The following SLC14A2 variants were observed in gnomAD, a reference collection of about 807,000 sequenced individuals.
SLC14A2 encodes the protein urea transporter 2.
Under a neutral mutation model 104.6 loss-of-function variants are expected in SLC14A2, and 91 were observed. That is an observed-to-expected ratio of 0.87 (90% CI 0.73 to 1.04). The LOEUF (loss-of-function observed/expected upper bound fraction) is 1.04. SLC14A2 is among the 50% of genes least tolerant of loss of function. The probability of loss-of-function intolerance (pLI) is 0.00; values close to 1 mark genes in which losing one functional copy is unlikely to be tolerated. For missense variants in SLC14A2, 1,189 were observed against 1,156.0 expected (o/e 1.03, Z -0.41); for synonymous variants, 476 against 466.4 (o/e 1.02, Z -0.27).
intron 1 of SLC14A2, among the ~76,000 whole-genome samples, chr18:45,432,507 A>C (rs11873459): frequency 0.56 from 84,908 of 151,944 alleles, 23,966 homozygotes; most frequent in Admixed American, 0.69. Flanking sequence ...CATCCTAACA[A>C]AGGAGGCCAG....
intron 19 of SLC14A2, among the ~76,000 whole-genome samples, chr18:45,679,892 C>G (rs2046286997): frequency 6.6e-6 from 1 of 152,200 alleles, no homozygotes; most frequent in African/African-American, 2.4e-5. Context: ...TGATGTCGTA[C>G]AGTTTTGTGA....
At chr18:45,668,090 C>A in intron 14 of SLC14A2, 68 bp downstream of exon 14, 2 of 1,444,866 alleles carry the variant, frequency 1.4e-6, no homozygotes, top group South Asian at 1.2e-5. Flanking sequence ...ACCATTCTTC[C>A]TCTTCCCAGC....
At chr18:45,556,838 A>G (rs2044139347) in intron 2 of SLC14A2, among the ~76,000 whole-genome samples, 1 of 152,214 alleles carries the variant, frequency 6.6e-6, no homozygotes, top group African/African-American at 2.4e-5. Context: ...ATAGGGGTAC[A>G]TGGTTTTGAC....
intron 4 of SLC14A2, among the ~76,000 whole-genome samples, chr18:45,628,454 AAAAAAG>A (rs2045296561): frequency 1.3e-5 from 2 of 152,066 alleles, no homozygotes; most frequent in African/African-American, 4.8e-5. Context: ...AAAAAAAAAA[AAAAAAG>A]AAAGAAAGAA....
intron 1 of SLC14A2, among the ~76,000 whole-genome samples, chr18:45,437,115 C>T (rs993431998): frequency 6.6e-6 from 1 of 152,254 alleles, no homozygotes; most frequent in Middle Eastern, 3.2e-3. Context: ...TGGACGCACG[C>T]ATGAGTGCGC....
At chr18:45,489,402 T>C (rs2087676149) in intron 2 of SLC14A2, among the ~76,000 whole-genome samples, 1 of 152,098 alleles carries the variant, frequency 6.6e-6, no homozygotes, top group South Asian at 2.1e-4. Flanking sequence ...TCTCAGCTAC[T>C]TGGGAGGCCG....
the SLC14A2 span, among the ~76,000 whole-genome samples, chr18:45,191,947 T>C: frequency 1.3e-5 from 2 of 152,178 alleles, no homozygotes; most frequent in Non-Finnish European, 2.9e-5. Context: ...TTTGATGAAC[T>C]GTTAGGAGGA....
chr18:45,682,131 G>C (rs551565803), intron 19 of SLC14A2, among the ~76,000 whole-genome samples, 188 bp from the exon 20 acceptor site: 4 of 152,200 alleles, frequency 2.6e-5, no homozygotes, highest in Admixed American at 2.0e-4. Flanking sequence ...TTTGAAAACT[G>C]TGCATTCACC....
intron 1 of SLC14A2, among the ~76,000 whole-genome samples, chr18:45,290,587 A>T (rs1167540682): frequency 1.3e-5 from 2 of 152,188 alleles, no homozygotes; most frequent in Non-Finnish European, 2.9e-5. Context: ...GCCCCATGTG[A>T]CTAAGAACTT....
chr18:45,543,300 A>C (rs1360665687), intron 2 of SLC14A2, among the ~76,000 whole-genome samples: 2 of 152,236 alleles, frequency 1.3e-5, no homozygotes, highest in East Asian at 3.9e-4. Context: ...ACCCAAGATA[A>C]TATCTGTGGT....
intron 2 of SLC14A2, among the ~76,000 whole-genome samples, chr18:45,602,388 GA>G (rs1331861690): frequency 1.3e-5 from 2 of 152,216 alleles, no homozygotes; most frequent in East Asian, 3.9e-4. Context: ...GAAGGTGGAA[GA>G]AGATCTAAAA....
Position 45,672,885 on chromosome 18 carries a change from C to T in SLC14A2, c.2230-15C>T, listed in dbSNP as rs375695262. ...TTGCCTCCATAATGAGCATGTAATC[C>T]TGTTATGCCTACAGCTTTTGAGAGC... is the stretch of plus-strand genomic sequence containing the variant. On this transcript the variant is annotated splice_polypyrimidine_tract_variant and intron_variant, in intron 16 of 19. Transcript: ENST00000255226. 349 of 1,609,374 alleles carry T rather than the reference C, an allele frequency of 2.2e-4. 1 individual carries two copies. In the African/African-American group the frequency reaches 4.3e-3, roughly 20 times the overall value.
chr18:45,661,356 TG>T (rs1412304848), intron 10 of SLC14A2, among the ~76,000 whole-genome samples: 4 of 152,192 alleles, frequency 2.6e-5, no homozygotes, highest in Non-Finnish European at 5.9e-5. Context: ...AGAATAACAT[TG>T]GTTAGTAAAT....
At chr18:45,388,340 G>A (rs1170206764) in intron 1 of SLC14A2, among the ~76,000 whole-genome samples, 1 of 152,166 alleles carries the variant, frequency 6.6e-6, no homozygotes, top group East Asian at 1.9e-4. Context: ...GGGATTACAG[G>A]CATGAGCCAC....
chr18:45,545,785 A>G (rs998900090), intron 2 of SLC14A2, among the ~76,000 whole-genome samples: 4 of 152,068 alleles, frequency 2.6e-5, no homozygotes, highest in Non-Finnish European at 5.9e-5. Context: ...GTCCATTCTG[A>G]CTCTAGTTTA....
rs548006583 is a variant in SLC14A2, at chr18:45,656,601, C to CA, written c.1352-7183dup. Among the ~76,000 whole-genome samples the CA allele has an allele frequency of 4.1e-3, 630 of 152,254 alleles. 2 individuals carry two copies. The highest frequency in any genetic ancestry group is 0.013 in the African/African-American group (545 of 41,540). On this transcript the variant is annotated intron_variant, in intron 10 of 19. Coordinates refer to ENST00000255226, the MANE Select transcript of SLC14A2 (RefSeq NM_007163.4). ...CTGAGGGTGTGGGCCAGGGTAGGAA[C>CA]AGTGAGAAGAGAGTGCAAAGTCATT...
intron 1 of SLC14A2, among the ~76,000 whole-genome samples, chr18:45,333,931 T>G (rs977051347): frequency 6.6e-6 from 1 of 152,228 alleles, no homozygotes; most frequent in African/African-American, 2.4e-5. Context: ...GAAGCCCAAT[T>G]TTATAATGAG....
At chr18:45,222,580 G>A (rs2084073611) in intron 1 of SLC14A2, among the ~76,000 whole-genome samples, 1 of 152,164 alleles carries the variant, frequency 6.6e-6, no homozygotes, top group South Asian at 2.1e-4. Context: ...CAAAGATAAG[G>A]AGGGAGGTCA....
intron 1 of SLC14A2, among the ~76,000 whole-genome samples, chr18:45,329,749 A>G (rs2085270992): frequency 6.6e-6 from 1 of 152,202 alleles, no homozygotes; most frequent in Non-Finnish European, 1.5e-5. Context: ...GTGCTTGACC[A>G]GAAATAGATG....
Sources: allele counts gnomAD v4.1 joint callset (sites outside exome capture counted in the v4.1 genomes callset), GRCh38; gene constraint gnomAD v4.1.1; transcripts MANE v1.5; gene names NCBI Gene and HGNC (gene_info 2026-07-23, HGNC 2026-07-21).